Variants in CELSR1 observed in about 807,000 individuals in gnomAD.
CELSR1 encodes the protein cadherin EGF LAG seven-pass G-type receptor 1.
Under a neutral mutation model 249.1 loss-of-function variants are expected in CELSR1, and 110 were observed. The observed-to-expected ratio is 0.44, with a 90% CI of 0.38 to 0.52. The LOEUF is 0.52. Ranked by LOEUF, CELSR1 falls within the 20% of genes least tolerant of loss-of-function variation. The pLI is 0.00. For missense variants in CELSR1, 4,109 were observed against 4,296.4 expected, an observed-to-expected ratio of 0.96 and a Z score of 1.22; for synonymous variants, 2,113 against 1,900.0, an observed-to-expected ratio of 1.11 and a Z score of -2.92.
chr22:46,394,293 G>A (rs375740649), intron 13 of CELSR1, 31 bp from the exon 14 acceptor site: 16 of 1,602,022 alleles, frequency 1.0e-5, no homozygotes, highest in Admixed American at 1.7e-5. Context: ...CAGCTGGAAG[G>A]TTTATGTAAC....
chr22:46,383,536 C>T (rs899755096), intron 20 of CELSR1, among the ~76,000 whole-genome samples: 11 of 152,084 alleles, frequency 7.2e-5, no homozygotes, highest in African/African-American at 2.7e-4. Flanking sequence ...AAGCAGCTTT[C>T]CCCCCAACCA....
At chr22:46,451,682 T>C (rs6008833) in intron 2 of CELSR1, among the ~76,000 whole-genome samples, 49,269 of 151,968 alleles carry the variant, frequency 0.32, 8,916 homozygotes, top group African/African-American at 0.48. Flanking sequence ...ACACCGACGA[T>C]GGAGGAGAGA....
At chr22:46,528,350 T>C (rs1341025173) in intron 1 of CELSR1, among the ~76,000 whole-genome samples, 1 of 152,172 alleles carries the variant, frequency 6.6e-6, no homozygotes, top group Non-Finnish European at 1.5e-5. Context: ...CTCAATCCTG[T>C]TATTTCACCG....
intron 1 of CELSR1, among the ~76,000 whole-genome samples, chr22:46,470,336 C>A (rs1448523342): frequency 6.6e-6 from 1 of 151,560 alleles, no homozygotes; most frequent in East Asian, 2.0e-4. Flanking sequence ...AGTGAGAAGC[C>A]CAGGCCTTCT....
chr22:46,367,098 GA>G lies in CELSR1; in HGVS notation c.8099del (p.Phe2700SerfsTer13). The G allele has an allele frequency of 1.2e-6, 2 of 1,611,470 alleles. No individual in the cohort carries two copies. Among genetic ancestry groups the G allele is most frequent in the Non-Finnish European group, 1.7e-6 (2 of 1,179,680 alleles). On this transcript the variant is annotated frameshift_variant, in exon 29 of 35. Coordinates refer to ENST00000674500, the MANE Select transcript of CELSR1 (RefSeq NM_001378328.1). LOFTEE classifies it high-confidence loss of function. Reference protein sequence around the residue: ...SGLQGPFVLLFHCVLNQEVRK... With the variant: ...SGLQGPFVLLXHCVLNQEVRK... ...GGACCTCCTGGTTGAGCACGCAGTG[GA>G]AAAGGAGGACGAAGGGGCCCTGGAG... is the stretch of plus-strand genomic sequence containing the variant.
rs1160432371 is a variant in CELSR1 at position 46,518,283 on chromosome 22, A to C, written c.3544+15344T>G. ...AGCACAGACGCTGCTATCACAGCAG[A>C]CCTTACTGAGGAGTCAGAGCCTGTG... is the stretch of plus-strand genomic sequence containing the variant. On this transcript the variant is annotated intron_variant, in intron 1 of 34. Transcript: ENST00000674500. The surrounding 1 kb of genome is among the most constrained non-coding windows in gnomAD (Gnocchi z 5.2). 6.6e-6 allele frequency among the ~76,000 whole-genome samples: 1 copy of C among 152,166 alleles called. No homozygotes were observed. Among genetic ancestry groups the C allele is most frequent in the Non-Finnish European group, 1.5e-5 (1 of 68,024 alleles).
In CELSR1 at chr22:46,527,240, T is replaced by C. The variant is rs1371949990; in HGVS notation, c.3544+6387A>G. ...ACATCGGCTGAGATGTGTCTGACCA[T>C]CTAAGCTGGCAAAGCCCTCCTCAGC... On this transcript the variant is annotated intron_variant, in intron 1 of 34. Transcript: ENST00000674500. The surrounding 1 kb of genome is among the most constrained non-coding windows in gnomAD (Gnocchi z 5.5). Among the ~76,000 whole-genome samples, 2 of 152,038 alleles carry C rather than the reference T, an allele frequency of 1.3e-5. No homozygotes were observed. The highest frequency in any genetic ancestry group is 6.5e-5 in the Admixed American group (1 of 15,276).
rs1031668415 is a variant in CELSR1, at chr22:46,436,008, C to T, written c.4522+166G>A. Reference sequence around the variant, plus strand: ...GCCACCACGCCCGGCCTGTTATGAACATCTTTGTGTACTTTGGATTTCTTA... The same window carrying T: ...GCCACCACGCCCGGCCTGTTATGAATATCTTTGTGTACTTTGGATTTCTTA... On this transcript the variant is annotated intron_variant, in intron 4 of 34. Transcript: ENST00000674500. The surrounding 1 kb of genome is among the most constrained non-coding windows in gnomAD (Gnocchi z 5.9). Among the ~76,000 whole-genome samples, 4 of 152,170 alleles carry T rather than the reference C, an allele frequency of 2.6e-5. No individual in the cohort carries two copies. Among genetic ancestry groups the T allele is most frequent in the African/African-American group, 9.7e-5 (4 of 41,450 alleles).
rs191978644 is a variant in CELSR1 at position 46,436,367 on chromosome 22, C to G, written c.4407-78G>C. On this transcript the variant is annotated intron_variant, in intron 3 of 34. Coordinates refer to ENST00000674500, the MANE Select transcript of CELSR1 (RefSeq NM_001378328.1). This position sits in a 1 kb window ranked among gnomAD's most constrained non-coding sequence, Gnocchi z 5.9. ...GCTGCCTAGGAATGACAAGTCCAGCCGGAGGAGGGCAAGCACGTGGGGCTA... is the reference window on the plus strand; with the variant it reads ...GCTGCCTAGGAATGACAAGTCCAGCGGGAGGAGGGCAAGCACGTGGGGCTA... The G allele has an allele frequency of 1.1e-5, 11 of 1,043,286 alleles. 2 individuals are homozygous for G. In the South Asian group the frequency reaches 1.5e-4, roughly 14 times the overall value. The allele number at this position is 1,043,286 out of a possible 1,614,324, so 64.6% of individuals were successfully genotyped here.
At chr22:46,431,878 C>A (rs1470664549) in intron 5 of CELSR1, among the ~76,000 whole-genome samples, 1 of 152,242 alleles carries the variant, frequency 6.6e-6, no homozygotes, top group Non-Finnish European at 1.5e-5. Flanking sequence ...AGCCCCTGCA[C>A]CTCTGTCAAG....
chr22:46,434,599 CAT>C lies in CELSR1; in HGVS notation c.4523-1120_4523-1119del, dbSNP rs780142943. On this transcript the variant is annotated intron_variant, in intron 4 of 34. Transcript: ENST00000674500. The surrounding 1 kb of genome is among the most constrained non-coding windows in gnomAD (Gnocchi z 4.9). ...AAGCTCCATCCTCCACCATCACACACATGTCATTCAACACGGGCCAGGGTTCT... is the reference window on the plus strand; with the variant it reads ...AAGCTCCATCCTCCACCATCACACACGTCATTCAACACGGGCCAGGGTTCT... Among the ~76,000 whole-genome samples the C allele has an allele frequency of 4.6e-5, 7 of 152,354 alleles. No individual in the cohort carries two copies. Among genetic ancestry groups the C allele is most frequent in the South Asian group, 2.1e-4 (1 of 4,830 alleles).
In CELSR1 at chr22:46,534,454, G is replaced by C. The variant is rs745926678; in HGVS notation, c.2717C>G (p.Pro906Arg). 3 of 1,613,026 alleles carry C rather than the reference G, an allele frequency of 1.9e-6. No individual in the cohort carries two copies. Among genetic ancestry groups the C allele is most frequent in the Non-Finnish European group, 1.7e-6 (2 of 1,180,002 alleles). The change falls in exon 1 of 35, where the codon CCA (proline) becomes CGA (arginine). Residue 906 changes from proline to arginine, a missense_variant. Physicochemically the swap from Pro to Arg is moderately radical, Grantham distance 103 (BLOSUM62 -2). Coordinates refer to ENST00000674500, the MANE Select transcript of CELSR1 (RefSeq NM_001378328.1). This position sits in a 1 kb window ranked among gnomAD's most constrained non-coding sequence, Gnocchi z 9.7. ...GACCTGGAGGATGCTGGTCGAGGGT[G>C]GAGCATCCTCAAAGATGGAACCCTG... ...FYQGSIFEDA[P>R]PSTSILQVSA...
Position 46,380,984 on chromosome 22 carries a change from C to T in CELSR1, c.7089-29G>A. ...AGGTCAAGAAGCCAGAGCATGGGGACAAACACGGTGAGGAAACATCTGCTT... is the reference window on the plus strand; with the variant it reads ...AGGTCAAGAAGCCAGAGCATGGGGATAAACACGGTGAGGAAACATCTGCTT... On this transcript the variant is annotated intron_variant, in intron 21 of 34. Transcript: ENST00000674500. The surrounding 1 kb of genome is among the most constrained non-coding windows in gnomAD (Gnocchi z 5.1). 6.2e-7 allele frequency: 1 copy of T among 1,604,428 alleles called. No homozygotes were observed. Among genetic ancestry groups the T allele is most frequent in the Non-Finnish European group, 8.5e-7 (1 of 1,173,336 alleles).
chr22:46,493,437 T>C (rs1051205734), intron 1 of CELSR1, among the ~76,000 whole-genome samples: 2 of 151,670 alleles, frequency 1.3e-5, no homozygotes, highest in African/African-American at 4.8e-5. Context: ...TCCCAGCTAC[T>C]TGGGAGGCTG....
chr22:46,437,081 G>A lies in CELSR1; in HGVS notation c.4407-792C>T, dbSNP rs1178458379. On this transcript the variant is annotated intron_variant, in intron 3 of 34. Transcript: ENST00000674500. This position sits in a 1 kb window ranked among gnomAD's most constrained non-coding sequence, Gnocchi z 4.9. ...TATCAGTGCTTAATATGGGCTGTTT[G>A]AATAAATGAAAGGAAGAGGCATGAA... 2.0e-5 allele frequency among the ~76,000 whole-genome samples: 3 copies of A among 152,174 alleles called. No individual in the cohort carries two copies. The highest frequency in any genetic ancestry group is 1.9e-4 in the East Asian group (1 of 5,200).
rs1004166177 is a variant in CELSR1 at position 46,367,847 on chromosome 22, A to T, written c.7961T>A (p.Leu2654Gln). ...YYGKKGIVSLLRTAFLLLLLI... is the reference protein window; with the variant it reads ...YYGKKGIVSLQRTAFLLLLLI... ...CAGCAGCAGGAGGAATGCGGTCCTCAGCAGGGAGCTGCGGGAGGGCAGGAT... is the reference window on the plus strand; with the variant it reads ...CAGCAGCAGGAGGAATGCGGTCCTCTGCAGGGAGCTGCGGGAGGGCAGGAT... The change falls in exon 28 of 35, where the codon CTG becomes CAG. Residue 2654 changes from leucine to glutamine, a missense_variant. By Grantham distance (113) the Leu-to-Gln change is moderately radical. This residue lies in a region of CELSR1 where 1,805 missense variants were observed against 1,831.6 expected (regional missense o/e 0.99). Transcript: ENST00000674500. The T allele has an allele frequency of 6.2e-7, 1 of 1,610,334 alleles. No individual in the cohort carries two copies. Among genetic ancestry groups the T allele is most frequent in the East Asian group, 2.2e-5 (1 of 44,830 alleles).
At chr22:46,420,484 TCA>T (rs757633168) in intron 5 of CELSR1, among the ~76,000 whole-genome samples, 4 of 152,094 alleles carry the variant, frequency 2.6e-5, no homozygotes, top group South Asian at 2.1e-4. Context: ...ACGTATGCAC[TCA>T]CACGTGTGCA....
intron 12 of CELSR1, among the ~76,000 whole-genome samples, chr22:46,397,063 CTGAA>C (rs1320604535): frequency 1.3e-5 from 2 of 152,062 alleles, no homozygotes; most frequent in Non-Finnish European, 2.9e-5. Context: ...TGAGGCCACC[CTGAA>C]TGGAGGATTT....
chr22:46,444,357 G>C (rs1271126511), intron 2 of CELSR1, among the ~76,000 whole-genome samples: 1 of 152,168 alleles, frequency 6.6e-6, no homozygotes, highest in African/African-American at 2.4e-5. Flanking sequence ...AGTGGCCCCC[G>C]ATATCCTCAG....
Sources: gnomAD v4.1 joint callset for allele counts (sites outside exome capture counted in the v4.1 genomes callset) on GRCh38, gnomAD v4.1.1 for gene constraint, gnomAD v4.1.1 regional missense constraint, Gnocchi (gnomAD v3.1) non-coding constraint, MANE v1.5 for transcripts, NCBI Gene and HGNC (gene_info 2026-07-23, HGNC 2026-07-21) for gene names.